PBX1: variants seen among roughly 807,000 people sequenced by gnomAD.
PBX1 encodes pre-B-cell leukemia transcription factor 1.
Under a neutral mutation model 53.4 loss-of-function variants are expected in PBX1, and 6 were observed. The ratio of observed to expected loss-of-function variants is 0.11; its 90% CI spans 0.06 to 0.22. PBX1 has a LOEUF of 0.22. Among genes scored for constraint, PBX1 ranks in the 10% least tolerant of loss-of-function variants. The probability of loss-of-function intolerance (pLI) is 1.00; values close to 1 mark genes in which losing one functional copy is unlikely to be tolerated. For missense variants in PBX1, 251 were observed against 551.4 expected, an observed-to-expected ratio of 0.46 and a Z score of 5.46; for synonymous variants, 204 against 212.3, an observed-to-expected ratio of 0.96 and a Z score of 0.34.
chr1:164,663,294 C>T (rs1023138974), intron 2 of PBX1, among the ~76,000 whole-genome samples: 4 of 151,820 alleles, frequency 2.6e-5, no homozygotes, highest in Non-Finnish European at 5.9e-5. Context: ...TCCTACCTGC[C>T]TGCCTTCCTG....
At chr1:164,565,203 A>G (rs1431699097) in intron 2 of PBX1, among the ~76,000 whole-genome samples, 1 of 152,126 alleles carries the variant, frequency 6.6e-6, no homozygotes, top group East Asian at 1.9e-4. Context: ...ATGTTGGCTC[A>G]AGTATAATGA....
chr1:164,642,156 CTG>C (rs1240100872), intron 2 of PBX1: 1 of 152,152 alleles, frequency 6.6e-6, no homozygotes, highest in Non-Finnish European at 1.5e-5. Context: ...TCAGGGAACT[CTG>C]TGCATTTCCA....
chr1:164,701,867 A>G (rs911761665), intron 2 of PBX1, among the ~76,000 whole-genome samples: 2 of 152,198 alleles, frequency 1.3e-5, no homozygotes, highest in African/African-American at 2.4e-5. Flanking sequence ...TATTGCTTTT[A>G]TTAGTGGTAC....
rs78860167 is a variant in PBX1 at position 164,688,994 on chromosome 1, G to T, written c.266-103500G>T. On this transcript the variant is annotated intron_variant, in intron 2 of 8. Coordinates refer to ENST00000420696, the MANE Select transcript of PBX1 (RefSeq NM_002585.4). ...GTGTCTGGCTGGAGGGTGGCGTCGCGCCTCCCCTTGGTGCCGCAGGCCACG... is the reference window on the plus strand; with the variant it reads ...GTGTCTGGCTGGAGGGTGGCGTCGCTCCTCCCCTTGGTGCCGCAGGCCACG... 3.5e-3 allele frequency among the ~76,000 whole-genome samples: 528 copies of T among 152,302 alleles called. 12 individuals are homozygous for T. Among genetic ancestry groups the T allele is most frequent in the East Asian group, 0.024 (126 of 5,172 alleles).
intron 6 of PBX1, chr1:164,813,271 G>A (rs1398789101): frequency 6.6e-6 from 1 of 152,144 alleles, no homozygotes; most frequent in Admixed American, 6.5e-5. Context: ...CACTTCTTTT[G>A]TGGCCTTCTT....
chr1:164,860,278 A>G (rs1272045127), intron 2 of PBX1, among the ~76,000 whole-genome samples: 1 of 152,216 alleles, frequency 6.6e-6, no homozygotes, highest in Non-Finnish European at 1.5e-5. Flanking sequence ...AATGCTGGGA[A>G]TACACTAGTG....
chr1:164,799,207 T>C (rs1187889764), intron 3 of PBX1, among the ~76,000 whole-genome samples: 2 of 152,266 alleles, frequency 1.3e-5, no homozygotes, highest in African/African-American at 4.8e-5. Context: ...TCCAGCATTA[T>C]CAGCCAGGCG....
chr1:164,702,277 A>G (rs1382710960), intron 2 of PBX1, among the ~76,000 whole-genome samples: 1 of 152,090 alleles, frequency 6.6e-6, no homozygotes, highest in African/African-American at 2.4e-5. Flanking sequence ...GCACCTGAAC[A>G]TTCATGTAGG....
At chr1:164,876,926 C>T (rs1229840446) in intron 2 of PBX1, among the ~76,000 whole-genome samples, 1 of 152,186 alleles carries the variant, frequency 6.6e-6, no homozygotes, top group Admixed American at 6.5e-5. Flanking sequence ...GTGCACCTAA[C>T]TCACCCTGGA....
chr1:164,673,308 G>A (rs1273528896), intron 2 of PBX1, among the ~76,000 whole-genome samples: 1 of 152,118 alleles, frequency 6.6e-6, no homozygotes, highest in Non-Finnish European at 1.5e-5. Context: ...GTGCTCCCCA[G>A]AAAGGGTTGG....
rs950769539 is a variant in PBX1, at chr1:164,736,449, A to C, written c.266-56045A>C. Among the ~76,000 whole-genome samples the C allele has an allele frequency of 3.3e-5, 5 of 152,036 alleles. No homozygotes were observed. The South Asian group carries it at 1.0e-3, about 32-fold the overall frequency. On this transcript the variant is annotated intron_variant, in intron 2 of 8. Transcript: ENST00000420696. Reference sequence around the variant, plus strand: ...AGTGGGGTTCATTTTTTTAATTGACACCTTCCTCTCTCATTCCACGCTCTC... The same window carrying C: ...AGTGGGGTTCATTTTTTTAATTGACCCCTTCCTCTCTCATTCCACGCTCTC...
At chr1:164,649,663 C>T (rs1300606398) in intron 2 of PBX1, among the ~76,000 whole-genome samples, 2 of 152,146 alleles carry the variant, frequency 1.3e-5, no homozygotes, top group Admixed American at 1.3e-4. Flanking sequence ...TCCTTCACAT[C>T]CCTGCAGCAT....
intron 2 of PBX1, among the ~76,000 whole-genome samples, chr1:164,771,918 C>G (rs549999056): frequency 6.6e-6 from 1 of 152,234 alleles, no homozygotes; most frequent in African/African-American, 2.4e-5. Context: ...GGGGGCTGGG[C>G]AAACATGAGG....
chr1:164,872,715 C>T (rs1375773144), intron 2 of PBX1, among the ~76,000 whole-genome samples: 3 of 152,214 alleles, frequency 2.0e-5, no homozygotes, highest in Non-Finnish European at 4.4e-5. Context: ...TCATATAATG[C>T]TCCCAAGGCT....
rs549608877 is a variant in PBX1 at position 164,565,217 on chromosome 1, GAAGTA to G, written c.265+1912_265+1916del. Among the ~76,000 whole-genome samples, 15 of 152,192 alleles carry G rather than the reference GAAGTA, an allele frequency of 9.9e-5. No homozygotes were observed. In the East Asian group the frequency reaches 2.7e-3, roughly 27 times the overall value. On this transcript the variant is annotated intron_variant, in intron 2 of 8. Transcript: ENST00000420696. ...CATGTTGGCTCAAGTATAATGATAG[GAAGTA>G]AAGTAGTCAGTCGTATTGGTCAAAG...
intron 7 of PBX1, 89 bp from the exon 8 acceptor site, chr1:164,821,448 C>A (rs1021839619): frequency 8.7e-5 from 85 of 982,120 alleles, no homozygotes; most frequent in Non-Finnish European, 9.6e-5. Flanking sequence ...TATGGCATGC[C>A]CAAATGGTGG....
chr1:164,772,471 G>A (rs1028604184), intron 2 of PBX1, among the ~76,000 whole-genome samples: 2 of 152,192 alleles, frequency 1.3e-5, no homozygotes, highest in African/African-American at 4.8e-5. Flanking sequence ...CAACTGGTCT[G>A]GAAAAAGAAA....
At chr1:164,603,777 A>G (rs769789105) in intron 2 of PBX1, among the ~76,000 whole-genome samples, 1 of 152,104 alleles carries the variant, frequency 6.6e-6, no homozygotes, top group Non-Finnish European at 1.5e-5. Context: ...TCTCTTTTAT[A>G]CATTTCAAGT....
chr1:164,780,202 CA>C (rs1387454982), intron 2 of PBX1, among the ~76,000 whole-genome samples: 3 of 152,088 alleles, frequency 2.0e-5, no homozygotes, highest in Non-Finnish European at 2.9e-5. Flanking sequence ...CCGATTTTAC[CA>C]GCATGTAAAA....
Sources: gnomAD v4.1 joint callset for allele counts (sites outside exome capture counted in the v4.1 genomes callset) on GRCh38, gnomAD v4.1.1 for gene constraint, MANE v1.5 for transcripts, NCBI Gene and HGNC (gene_info 2026-07-23, HGNC 2026-07-21) for gene names.